SLC4A8: variants seen among roughly 807,000 people sequenced by gnomAD.
SLC4A8 encodes solute carrier family 4 member 8.
In SLC4A8, 40 loss-of-function variants were observed where a neutral mutation model predicts 125.0. The observed-to-expected ratio is 0.32, with a 90% CI of 0.25 to 0.42. SLC4A8 has a LOEUF of 0.42. SLC4A8 is among the 10% of genes least tolerant of loss of function. The pLI is 1.00. For missense variants in SLC4A8, 863 were observed against 1,355.1 expected (o/e 0.64, Z 5.70); for synonymous variants, 456 against 476.0 (o/e 0.96, Z 0.55).
chr12:51,492,060 G>A (rs1168111423), intron 19 of SLC4A8, among the ~76,000 whole-genome samples: 1 of 152,162 alleles, frequency 6.6e-6, no homozygotes, highest in East Asian at 1.9e-4. Context: ...GCAGTGGCTA[G>A]TATGAGAAGT....
At chr12:51,470,175 A>G (rs1441785021) in intron 12 of SLC4A8, among the ~76,000 whole-genome samples, 1 of 152,148 alleles carries the variant, frequency 6.6e-6, no homozygotes, top group Non-Finnish European at 1.5e-5. Flanking sequence ...GGAGTTAGTT[A>G]AGGAATCATG....
chr12:51,497,093 A>G lies in SLC4A8; in HGVS notation c.3050A>G (p.Asp1017Gly). 5 of 1,613,668 alleles carry G rather than the reference A, an allele frequency of 3.1e-6. No individual in the cohort carries two copies. The highest frequency in any genetic ancestry group is 1.1e-5 in the South Asian group (1 of 90,912). The change falls in exon 22 of 25, where the codon GAT becomes GGT. Residue 1017 changes from aspartate (D) to glycine (G), a missense_variant. Asp to Gly is a moderately conservative substitution (Grantham distance 94, BLOSUM62 -1). This residue lies in a region of SLC4A8 where 92 missense variants were observed against 125.6 expected (regional missense o/e 0.73). Coordinates refer to ENST00000453097, the MANE Select transcript of SLC4A8 (RefSeq NM_001039960.3). ...CCTGAAAGCAAAAAGAAGAAGTTGG[A>G]TGATGCCAAAAAGAAGGCCAAGGAG... is the stretch of plus-strand genomic sequence containing the variant. ...LMPESKKKKL[D>G]DAKKKAKEEE... is the part of the protein sequence containing the mutation.
At chr12:51,416,867 A>G (rs1002097110) in intron 1 of SLC4A8, among the ~76,000 whole-genome samples, 2 of 152,122 alleles carry the variant, frequency 1.3e-5, no homozygotes, top group African/African-American at 2.4e-5. Flanking sequence ...GCTCATGCCT[A>G]TAATCCCAGC....
At chr12:51,460,213 G>A (rs1191038496) in intron 8 of SLC4A8, 105 bp downstream of exon 8, 2 of 987,862 alleles carry the variant, frequency 2.0e-6, no homozygotes, top group Non-Finnish European at 3.2e-6. Flanking sequence ...ATTAATTTTA[G>A]GAATGGTGTT....
At chr12:51,409,442 A>G (rs944992060) in intron 1 of SLC4A8, among the ~76,000 whole-genome samples, 2 of 152,174 alleles carry the variant, frequency 1.3e-5, no homozygotes, top group African/African-American at 2.4e-5. Flanking sequence ...TCTTTTGCCT[A>G]GTCACTCGCT....
intron 2 of SLC4A8, 67 bp downstream of exon 2, chr12:51,440,856 C>T (rs1949572251): frequency 3.0e-6 from 4 of 1,325,722 alleles, no homozygotes; most frequent in Non-Finnish European, 4.2e-6. Flanking sequence ...GAAGACCTGG[C>T]TCTGTGTCCT....
At chr12:51,439,299 A>G (rs943444791) in intron 1 of SLC4A8, among the ~76,000 whole-genome samples, 10 of 152,092 alleles carry the variant, frequency 6.6e-5, no homozygotes, top group Admixed American at 6.5e-4. Flanking sequence ...TCAGGTGATC[A>G]CCTGCCTTGG....
intron 4 of SLC4A8, 121 bp from the exon 5 acceptor site, chr12:51,453,416 TTA>T (rs1950028150): frequency 2.1e-6 from 2 of 961,282 alleles, no homozygotes; most frequent in Non-Finnish European, 3.1e-6. Flanking sequence ...AACATACAGA[TTA>T]GATTTTACAA....
intron 11 of SLC4A8, among the ~76,000 whole-genome samples, chr12:51,465,305 T>C (rs1435309510): frequency 6.6e-6 from 1 of 152,198 alleles, no homozygotes; most frequent in African/African-American, 2.4e-5. Flanking sequence ...AACAAGGTTT[T>C]CCTCAAACCA....
chr12:51,402,714 C>T (rs2137939144), intron 1 of SLC4A8, among the ~76,000 whole-genome samples: 1 of 152,236 alleles, frequency 6.6e-6, no homozygotes, highest in East Asian at 1.9e-4. Flanking sequence ...AAGAGTGAAA[C>T]TCCATCTCAA....
At chr12:51,494,843 C>T in intron 20 of SLC4A8, 102 bp from the exon 21 acceptor site, 1 of 860,240 alleles carries the variant, frequency 1.2e-6, no homozygotes, top group Non-Finnish European at 1.8e-6. Flanking sequence ...AATGGTGTTA[C>T]CTACCTTTCA....
intron 2 of SLC4A8, among the ~76,000 whole-genome samples, chr12:51,443,416 C>G (rs1592192229): frequency 6.6e-6 from 1 of 151,174 alleles, no homozygotes; most frequent in Non-Finnish European, 1.5e-5. Context: ...CATTATGTTG[C>G]TTTTTTTTTA....
intron 9 of SLC4A8, 90 bp from the exon 10 acceptor site, chr12:51,462,220 C>T: frequency 1.7e-6 from 2 of 1,191,628 alleles, no homozygotes; most frequent in Non-Finnish European, 2.5e-6. Flanking sequence ...TAAAAATCAA[C>T]AGGTTGTATT....
intron 12 of SLC4A8, 90 bp from the exon 13 acceptor site, chr12:51,470,302 C>T (rs1950654118): frequency 1.6e-6 from 2 of 1,259,652 alleles, no homozygotes; most frequent in Non-Finnish European, 2.3e-6. Flanking sequence ...CATCAAGGCA[C>T]ACAGGAGAGC....
At chr12:51,454,262 ACT>A (rs1197008697) in intron 5 of SLC4A8, among the ~76,000 whole-genome samples, 1 of 152,130 alleles carries the variant, frequency 6.6e-6, no homozygotes, top group Non-Finnish European at 1.5e-5. Context: ...GTGCCACTGC[ACT>A]CCAGCCTAGG....
intron 11 of SLC4A8, 88 bp downstream of exon 11, chr12:51,463,802 T>C (rs1950429031): frequency 1.2e-6 from 1 of 868,654 alleles, no homozygotes; most frequent in East Asian, 2.5e-5. Context: ...TCAGCCTACT[T>C]CTCTGTGGTG....
chr12:51,463,155 C>T (rs1786305174), intron 10 of SLC4A8, among the ~76,000 whole-genome samples: 1 of 152,154 alleles, frequency 6.6e-6, no homozygotes, highest in African/African-American at 2.4e-5. Flanking sequence ...GTGTATTAGA[C>T]AGCAGCCAGG....
intron 11 of SLC4A8, chr12:51,468,969 T>A (rs915109997): frequency 1.2e-4 from 18 of 152,670 alleles, no homozygotes; most frequent in African/African-American, 4.1e-4. Context: ...CTGCCTGAAG[T>A]CATGGCTGAA....
intron 1 of SLC4A8, among the ~76,000 whole-genome samples, chr12:51,410,527 C>T (rs1948573068): frequency 2.0e-5 from 3 of 149,832 alleles, no homozygotes. Flanking sequence ...GCGCGATCTT[C>T]GCTCACTGCA....
Sources: allele counts gnomAD v4.1 joint callset (sites outside exome capture counted in the v4.1 genomes callset), GRCh38; gene constraint gnomAD v4.1.1; regional missense constraint gnomAD v4.1.1; transcripts MANE v1.5; gene names NCBI Gene and HGNC (gene_info 2026-07-23, HGNC 2026-07-21).